Variants in SAP30BP observed in about 807,000 individuals in gnomAD.
SAP30BP encodes the protein SAP30-binding protein.
SAP30BP carries 31 observed loss-of-function variants against 46.3 expected under a neutral mutation model. The ratio of observed to expected loss-of-function variants is 0.67; its 90% CI spans 0.50 to 0.90. SAP30BP has a LOEUF of 0.90. SAP30BP is among the 40% of genes least tolerant of loss of function. The pLI is 0.00. For missense variants in SAP30BP, 312 were observed against 391.0 expected, an observed-to-expected ratio of 0.80 and a Z score of 1.70; for synonymous variants, 169 against 144.2, an observed-to-expected ratio of 1.17 and a Z score of -1.23.
chr17:75,694,070 C>T (rs1170632605), intron 4 of SAP30BP, among the ~76,000 whole-genome samples: 1 of 152,176 alleles, frequency 6.6e-6, no homozygotes, highest in Non-Finnish European at 1.5e-5. Context: ...CAAAGCCCGA[C>T]CGGGGGGCAG....
intron 4 of SAP30BP, among the ~76,000 whole-genome samples, chr17:75,696,982 T>A (rs1781773988): frequency 6.6e-6 from 1 of 152,060 alleles, no homozygotes; most frequent in Non-Finnish European, 1.5e-5. Flanking sequence ...TTTCACTGTT[T>A]TAGCCAGGAT....
At chr17:75,703,280 T>G (rs1343632894) in intron 6 of SAP30BP, 31 bp from the exon 7 acceptor site, 3 of 1,612,224 alleles carry the variant, frequency 1.9e-6, no homozygotes, top group East Asian at 4.5e-5. Context: ...CGTGGACTTG[T>G]GCCTGCTCAG....
intron 3 of SAP30BP, among the ~76,000 whole-genome samples, chr17:75,686,862 A>T (rs1236624288): frequency 6.6e-6 from 1 of 152,156 alleles, no homozygotes; most frequent in Non-Finnish European, 1.5e-5. Flanking sequence ...GACAGCTCTC[A>T]CTCCTAGCCC....
chr17:75,690,861 C>A, intron 3 of SAP30BP: 1 of 424,378 alleles, frequency 2.4e-6, no homozygotes, highest in Non-Finnish European at 4.7e-6. Context: ...GGAATCTGAA[C>A]CAACACAGAC....
At chr17:75,677,755 C>CTTT (rs35174866) in intron 3 of SAP30BP, among the ~76,000 whole-genome samples, 5 of 119,264 alleles carry the variant, frequency 4.2e-5, no homozygotes, top group South Asian at 2.9e-4. Flanking sequence ...ACACCCAGCC[C>CTTT]TTTTTTTTTT....
chr17:75,689,666 A>C (rs2060213739), intron 3 of SAP30BP, among the ~76,000 whole-genome samples: 1 of 152,186 alleles, frequency 6.6e-6, no homozygotes, highest in African/African-American at 2.4e-5. Context: ...TTTCTACCTG[A>C]AGGCCAGTGG....
Position 75,706,342 on chromosome 17 carries a change from G to A in SAP30BP, c.748G>A (p.Ala250Thr), listed in dbSNP as rs1305207098. ...CCTGATTTCTGCTTTATCTCCAGAT[G>A]CTCAGAAGAGAAAGAGCAAGTGGGA... ...TTTASTAVAD[A>T]QKRKSKWDSA... The change falls in exon 11 of 11, where the codon GCT (alanine) becomes ACT (threonine). Residue 250 changes from alanine (A) to threonine (T), a missense_variant and splice_region_variant. Ala to Thr is a moderately conservative substitution (Grantham distance 58, BLOSUM62 0). Transcript: ENST00000584667. This position sits in a 1 kb window ranked among gnomAD's most constrained non-coding sequence, Gnocchi z 4.6. The A allele has an allele frequency of 1.2e-6, 2 of 1,612,680 alleles. No individual in the cohort carries two copies. Among genetic ancestry groups the A allele is most frequent in the Admixed American group, 1.7e-5 (1 of 60,016 alleles).
At chr17:75,682,807 A>G (rs2060100127) in intron 3 of SAP30BP, among the ~76,000 whole-genome samples, 2 of 151,398 alleles carry the variant, frequency 1.3e-5, no homozygotes, top group African/African-American at 4.8e-5. Flanking sequence ...TACTAAAAAT[A>G]CAAAAATTAG....
At chr17:75,684,047 A>G (rs1008161222) in intron 3 of SAP30BP, 5 of 152,194 alleles carry the variant, frequency 3.3e-5, no homozygotes, top group Non-Finnish European at 7.3e-5. Context: ...CCAGTGGTTG[A>G]ACCAACAGCT....
intron 5 of SAP30BP, 29 bp downstream of exon 5, chr17:75,699,900 G>A (rs372268528): frequency 1.2e-5 from 18 of 1,501,588 alleles, no homozygotes; most frequent in East Asian, 4.5e-5. Context: ...TACTGAGGTC[G>A]GATAGATTAG....
chr17:75,676,941 G>A (rs2059999702), intron 3 of SAP30BP, among the ~76,000 whole-genome samples: 3 of 152,032 alleles, frequency 2.0e-5, no homozygotes, highest in Admixed American at 2.0e-4. Context: ...CACGGATAAG[G>A]GGGCATTGCT....
rs1599172094 is a variant in SAP30BP, at chr17:75,703,308, C to T, written c.489-3C>T. 1.2e-6 allele frequency: 2 copies of T among 1,614,066 alleles called. No homozygotes were observed. The highest frequency in any genetic ancestry group is 2.2e-5 in the East Asian group (1 of 44,888). ...CTGCTCAGCGCCGGCACTGTTCTTTCAGCATCTACGAGAAGCTGATCCAGT... is the reference window on the plus strand; with the variant it reads ...CTGCTCAGCGCCGGCACTGTTCTTTTAGCATCTACGAGAAGCTGATCCAGT... On this transcript the variant is annotated splice_polypyrimidine_tract_variant and splice_region_variant and intron_variant, in intron 6 of 10. Coordinates refer to ENST00000584667, the MANE Select transcript of SAP30BP (RefSeq NM_013260.8).
chr17:75,678,160 G>A (rs1043933047), intron 3 of SAP30BP, among the ~76,000 whole-genome samples: 4 of 151,920 alleles, frequency 2.6e-5, no homozygotes, highest in African/African-American at 4.8e-5. Context: ...TTTTCTCATC[G>A]CGAAAATAAT....
In SAP30BP at chr17:75,668,431, A is replaced by G. The variant is rs553962741; in HGVS notation, c.107-85A>G. On this transcript the variant is annotated intron_variant, in intron 1 of 10. Transcript: ENST00000584667. ...CTTCAGAGATAGTCTTGGCCACTCA[A>G]ATCTCTGGACATTTTTTCTTACATT... 5 of 814,906 alleles carry G rather than the reference A, an allele frequency of 6.1e-6. No homozygotes were observed. The East Asian group carries it at 8.3e-5, about 14-fold the overall frequency. 50.5% of individuals were successfully genotyped at this position (814,906 alleles called of 1,614,324 possible).
At position 75,704,743 on chromosome 17, in the gene SAP30BP, C is replaced by T. The variant is rs1375568001; in HGVS notation, c.602-13C>T. The T allele has an allele frequency of 1.9e-6, 3 of 1,612,036 alleles. No homozygotes were observed. Among genetic ancestry groups the T allele is most frequent in the Non-Finnish European group, 2.5e-6 (3 of 1,178,246 alleles). On this transcript the variant is annotated splice_polypyrimidine_tract_variant and intron_variant, in intron 8 of 10. Transcript: ENST00000584667. ...GGGGGCCACCTTTGTAACAGCTTCTCTTGTCTTCATAGCCAAGGCCCAGAA... is the reference window on the plus strand; with the variant it reads ...GGGGGCCACCTTTGTAACAGCTTCTTTTGTCTTCATAGCCAAGGCCCAGAA...
At position 75,702,537 on chromosome 17, in the gene SAP30BP, A is replaced by G. The variant is rs1458876951; in HGVS notation, c.454A>G (p.Ile152Val). Reference protein sequence around the residue: ...KIKEGMDMNYIIQRKKEFRNP... With the variant: ...KIKEGMDMNYVIQRKKEFRNP... ...AAAGGAGGGAATGGATATGAACTAC[A>G]TTATCCAAAGGAAGAAAGAATTTCG... The change falls in exon 6 of 11, where the codon ATT becomes GTT. Residue 152 changes from isoleucine to valine, a missense_variant. Coordinates refer to ENST00000584667, the MANE Select transcript of SAP30BP (RefSeq NM_013260.8). The G allele has an allele frequency of 1.9e-6, 3 of 1,581,270 alleles. No homozygotes were observed. Among genetic ancestry groups the G allele is most frequent in the Admixed American group, 1.7e-5 (1 of 59,596 alleles).
Position 75,706,577 on chromosome 17 carries a change from A to G in SAP30BP, c.*56A>G. ...CCGTGCAGCCCAGTGACCACTGCCC[A>G]GTGGGAGGCGCCACTTTGTATATTT... On this transcript the variant is annotated 3_prime_UTR_variant, in exon 11 of 11. Coordinates refer to ENST00000584667, the MANE Select transcript of SAP30BP (RefSeq NM_013260.8). This position sits in a 1 kb window ranked among gnomAD's most constrained non-coding sequence, Gnocchi z 4.6. 6.6e-7 allele frequency: 1 copy of G among 1,510,916 alleles called. No homozygotes were observed. The allele number at this position is 1,510,916 out of a possible 1,614,324, so 93.6% of individuals were successfully genotyped here.
intron 3 of SAP30BP, among the ~76,000 whole-genome samples, chr17:75,672,406 A>G (rs1354985455): frequency 6.6e-6 from 1 of 152,144 alleles, no homozygotes; most frequent in Non-Finnish European, 1.5e-5. Flanking sequence ...GAACAACATA[A>G]CTATTCTCAT....
At chr17:75,695,995 A>G (rs772233801) in intron 4 of SAP30BP, among the ~76,000 whole-genome samples, 4 of 152,092 alleles carry the variant, frequency 2.6e-5, no homozygotes, top group African/African-American at 4.8e-5. Context: ...CTGCCATCCC[A>G]TAAGCCCGTC....
Sources: gnomAD v4.1 joint callset for allele counts (sites outside exome capture counted in the v4.1 genomes callset) on GRCh38, gnomAD v4.1.1 for gene constraint, Gnocchi (gnomAD v3.1) non-coding constraint, MANE v1.5 for transcripts, NCBI Gene and HGNC (gene_info 2026-07-23, HGNC 2026-07-21) for gene names.